Variants in CROT observed in about 807,000 individuals in gnomAD.
CROT encodes peroxisomal carnitine O-octanoyltransferase.
In CROT, 84 loss-of-function variants were observed where a neutral mutation model predicts 89.2. That is an observed-to-expected ratio of 0.94 (90% CI 0.79 to 1.13). CROT has a LOEUF of 1.13. Among genes scored for constraint, CROT ranks in the 50% most tolerant of loss-of-function variants. The pLI, the probability that CROT is intolerant of heterozygous loss-of-function variation, is 0.00. For missense variants in CROT, 711 were observed against 727.8 expected, an observed-to-expected ratio of 0.98 and a Z score of 0.27; for synonymous variants, 212 against 239.5, an observed-to-expected ratio of 0.89 and a Z score of 1.06.
intron 7 of CROT, chr7:87,375,261 A>T (rs775286641): frequency 2.7e-5 from 5 of 185,766 alleles, no homozygotes; most frequent in Non-Finnish European, 4.5e-5. Flanking sequence ...GATGTACATT[A>T]TATTTGTGAA....
chr7:87,380,992 G>A lies in CROT; in HGVS notation c.979-918G>A, dbSNP rs1377551396. On this transcript the variant is annotated intron_variant, in intron 10 of 17. Transcript: ENST00000331536. ...CTCAAGAGCCTTTCCTGATGTAGTT[G>A]TTGCCTGGTTGGTAACAATAAATCC... Among the ~76,000 whole-genome samples the A allele has an allele frequency of 2.0e-5, 3 of 152,146 alleles. No individual in the cohort carries two copies. In the East Asian group the frequency reaches 5.8e-4, roughly 29 times the overall value.
chr7:87,386,048 G>A (rs1315801104), intron 13 of CROT, among the ~76,000 whole-genome samples: 1 of 152,156 alleles, frequency 6.6e-6, no homozygotes, highest in Non-Finnish European at 1.5e-5. Flanking sequence ...TTTTTAATGT[G>A]CTGTTGAGTT....
intron 3 of CROT, 79 bp downstream of exon 3, chr7:87,349,262 C>A: frequency 1.5e-6 from 1 of 654,550 alleles, no homozygotes. Context: ...GAGAAGGGGT[C>A]TCGATCCAGA....
At chr7:87,363,950 A>G (rs1345985550) in intron 6 of CROT, among the ~76,000 whole-genome samples, 1 of 152,214 alleles carries the variant, frequency 6.6e-6, no homozygotes, top group Non-Finnish European at 1.5e-5. Flanking sequence ...TAAGAGAAAA[A>G]TAGGAATCAG....
At chr7:87,389,837 G>A (rs574492733) in intron 13 of CROT, among the ~76,000 whole-genome samples, 14 of 152,072 alleles carry the variant, frequency 9.2e-5, no homozygotes, top group African/African-American at 3.4e-4. Flanking sequence ...GTTGTTCCTA[G>A]CATTAAGACT....
intron 3 of CROT, among the ~76,000 whole-genome samples, chr7:87,351,379 T>C (rs1805865553): frequency 6.7e-6 from 1 of 148,630 alleles, no homozygotes; most frequent in Admixed American, 6.7e-5. Flanking sequence ...TTCATTGGAA[T>C]TGGAATGGCT....
rs527730126 is a variant in CROT at position 87,367,006 on chromosome 7, A to T, written c.548-2370A>T. ...ACTCTTGTTTTTCACAACAGATATG[A>T]GCAATCTTCCCATCATGACATTTAC... On this transcript the variant is annotated intron_variant, in intron 6 of 17. Coordinates refer to ENST00000331536, the MANE Select transcript of CROT (RefSeq NM_021151.4). Among the ~76,000 whole-genome samples, 3 of 152,294 alleles carry T rather than the reference A, an allele frequency of 2.0e-5. No homozygotes were observed. The South Asian group carries it at 6.2e-4, about 32-fold the overall frequency.
At chr7:87,368,514 A>C (rs1045023673) in intron 6 of CROT, among the ~76,000 whole-genome samples, 2 of 152,198 alleles carry the variant, frequency 1.3e-5, no homozygotes, top group African/African-American at 4.8e-5. Context: ...TGAGGAAATA[A>C]GGTATAAGAG....
Position 87,356,957 on chromosome 7 carries a change from G to T in CROT, c.116-2249G>T, listed in dbSNP as rs142290333. Among the ~76,000 whole-genome samples the T allele has an allele frequency of 2.6e-3, 390 of 152,290 alleles. 1 individual carries two copies. The highest frequency in any genetic ancestry group is 9.1e-3 in the African/African-American group (378 of 41,550). On this transcript the variant is annotated intron_variant, in intron 3 of 17. Coordinates refer to ENST00000331536, the MANE Select transcript of CROT (RefSeq NM_021151.4). ...GAATCGCCTGAACCTGGGAGGCGGA[G>T]GTTGCTGTGAGCCAAGATTGCACCA...
At chr7:87,375,385 A>G (rs761487831) in intron 7 of CROT, 8 of 422,572 alleles carry the variant, frequency 1.9e-5, no homozygotes, top group Non-Finnish European at 3.0e-5. Context: ...TATCAGCGAA[A>G]CTAAATTTAG....
In CROT at chr7:87,351,034, T is replaced by C. The variant is rs7811546; in HGVS notation, c.115+1851T>C. On this transcript the variant is annotated intron_variant, in intron 3 of 17. Transcript: ENST00000331536. ...ATTAGAAAAGGAAATATTGGCTAGG[T>C]GTGGTAGCTCACACCTGTAATCCCA... Among the ~76,000 whole-genome samples the C allele has an allele frequency of 7.4e-3, 1,120 of 151,788 alleles. 12 individuals are homozygous for C. The highest frequency in any genetic ancestry group is 0.025 in the African/African-American group (1,051 of 41,448).
intron 9 of CROT, among the ~76,000 whole-genome samples, chr7:87,376,528 T>A (rs994623495): frequency 1.3e-5 from 2 of 152,010 alleles, no homozygotes; most frequent in African/African-American, 4.8e-5. Flanking sequence ...GTATTAGAAA[T>A]CTCATAGTCT....
intron 6 of CROT, among the ~76,000 whole-genome samples, chr7:87,365,935 C>A (rs902567318): frequency 3.9e-5 from 6 of 152,102 alleles, no homozygotes; most frequent in African/African-American, 1.4e-4. Flanking sequence ...TTACCTACCC[C>A]CTAGGAGACC....
chr7:87,372,936 A>T (rs1252262753), intron 7 of CROT, among the ~76,000 whole-genome samples: 2 of 152,142 alleles, frequency 1.3e-5, no homozygotes, highest in Non-Finnish European at 2.9e-5. Flanking sequence ...TGCTGCCGTG[A>T]CTATTGTATA....
chr7:87,370,274 C>T lies in CROT; in HGVS notation c.656+790C>T, dbSNP rs550430175. Among the ~76,000 whole-genome samples, 36 of 152,270 alleles carry T rather than the reference C, an allele frequency of 2.4e-4. No homozygotes were observed. The South Asian group carries it at 5.0e-3, about 21-fold the overall frequency. ...CTCGGCTCACTGCACCCTCCACATTCCAGGTTCAAGTGATTCTTCTGCCTC... is the reference window on the plus strand; with the variant it reads ...CTCGGCTCACTGCACCCTCCACATTTCAGGTTCAAGTGATTCTTCTGCCTC... On this transcript the variant is annotated intron_variant, in intron 7 of 17. Transcript: ENST00000331536.
intron 10 of CROT, among the ~76,000 whole-genome samples, chr7:87,379,307 A>G (rs1329846078): frequency 2.0e-5 from 3 of 152,060 alleles, no homozygotes; most frequent in Non-Finnish European, 2.9e-5. Flanking sequence ...TTATTGACCT[A>G]TTGTTATATA....
Position 87,375,883 on chromosome 7 carries a change from T to C in CROT, c.806T>C (p.Ile269Thr), listed in dbSNP as rs772255899. The part of the protein sequence containing the change: ...DPENLALLEK[I>T]QSSLLVYSME... ...GAGAACTTGGCTTTGTTAGAAAAAA[T>C]TCAGAGTAGTTTACTGGTATATTCC... The change falls in exon 9 of 18, where the codon ATT (isoleucine) becomes ACT (threonine). Residue 269 changes from isoleucine to threonine, a missense_variant. Coordinates refer to ENST00000331536, the MANE Select transcript of CROT (RefSeq NM_021151.4). The C allele has an allele frequency of 3.7e-6, 6 of 1,613,506 alleles. No individual in the cohort carries two copies. Among genetic ancestry groups the C allele is most frequent in the Non-Finnish European group, 5.1e-6 (6 of 1,179,558 alleles).
In CROT at chr7:87,355,977, AATTTT is replaced by A. The variant is rs113912274; in HGVS notation, c.116-3213_116-3209del. Among the ~76,000 whole-genome samples the A allele has an allele frequency of 7.3e-3, 1,116 of 152,186 alleles. 12 individuals carry two copies. Among genetic ancestry groups the A allele is most frequent in the African/African-American group, 0.025 (1,047 of 41,516 alleles). Reference sequence around the variant, plus strand: ...CATTTTATAGATAAAATCATTCCACAATTTTATTTTATTTTATTTTTCTGAGATGA... The same window carrying A: ...CATTTTATAGATAAAATCATTCCACAATTTTATTTTATTTTTCTGAGATGA... On this transcript the variant is annotated intron_variant, in intron 3 of 17. Coordinates refer to ENST00000331536, the MANE Select transcript of CROT (RefSeq NM_021151.4).
At chr7:87,382,216 T>A in intron 12 of CROT, 35 bp downstream of exon 12, 1 of 1,537,096 alleles carries the variant, frequency 6.5e-7, no homozygotes. Context: ...ATAATAATGA[T>A]TTTTTCTTTT....
Sources: gnomAD v4.1 joint callset for allele counts (sites outside exome capture counted in the v4.1 genomes callset) on GRCh38, gnomAD v4.1.1 for gene constraint, MANE v1.5 for transcripts, NCBI Gene and HGNC (gene_info 2026-07-23, HGNC 2026-07-21) for gene names.